PDE1C: variants seen among roughly 807,000 people sequenced by gnomAD.
The protein encoded by PDE1C is dual specificity calcium/calmodulin-dependent 3',5'-cyclic nucleotide phosphodiesterase 1C.
In PDE1C, 62 loss-of-function variants were observed where a neutral mutation model predicts 93.1. That is an observed-to-expected ratio of 0.67 (90% CI 0.54 to 0.82). The LOEUF is 0.82. Among genes scored for constraint, PDE1C ranks in the 40% least tolerant of loss-of-function variants. The pLI, the probability that PDE1C is intolerant of heterozygous loss-of-function variation, is 0.00. For missense variants in PDE1C, 742 were observed against 884.6 expected, an observed-to-expected ratio of 0.84 and a Z score of 2.04; for synonymous variants, 325 against 310.1, an observed-to-expected ratio of 1.05 and a Z score of -0.50.
intron 2 of PDE1C, among the ~76,000 whole-genome samples, chr7:31,884,097 A>G (rs112107377): frequency 3.2e-4 from 48 of 152,338 alleles, no homozygotes; most frequent in African/African-American, 1.1e-3. Context: ...TGAGCAGAAG[A>G]TTCAATCAAC....
At chr7:32,420,585 C>T (rs2128099865) in intron 1 of PDE1C, among the ~76,000 whole-genome samples, 1 of 149,784 alleles carries the variant, frequency 6.7e-6, no homozygotes. Context: ...AATAATAGTG[C>T]TTGTCTTAGC....
intron 17 of PDE1C, among the ~76,000 whole-genome samples, chr7:31,758,814 A>G (rs938416702): frequency 7.2e-5 from 11 of 152,278 alleles, no homozygotes; most frequent in African/African-American, 2.6e-4. Context: ...TGGTGTAGAA[A>G]GGGGAGAGGG....
At chr7:31,645,510 C>G in the PDE1C span, among the ~76,000 whole-genome samples, 2 of 151,960 alleles carry the variant, frequency 1.3e-5, no homozygotes, top group African/African-American at 4.8e-5. Flanking sequence ...AGAACAAAAC[C>G]TAATGTATGC....
intron 1 of PDE1C, among the ~76,000 whole-genome samples, chr7:32,361,239 C>G (rs551379584): frequency 2.6e-5 from 4 of 152,290 alleles, no homozygotes; most frequent in African/African-American, 9.6e-5. Flanking sequence ...GCCTCCAGGT[C>G]CTATCTGCAG....
intron 2 of PDE1C, among the ~76,000 whole-genome samples, chr7:32,188,437 A>G (rs1057297467): frequency 2.0e-5 from 3 of 151,848 alleles, no homozygotes; most frequent in African/African-American, 4.8e-5. Context: ...TTCAATTTTC[A>G]TCTATTTTCC....
At chr7:32,340,340 A>G (rs1259165420) in intron 1 of PDE1C, among the ~76,000 whole-genome samples, 1 of 151,906 alleles carries the variant, frequency 6.6e-6, no homozygotes, top group Non-Finnish European at 1.5e-5. Context: ...AAAGGAAGAG[A>G]ATAGGGAGTG....
At chr7:32,405,269 G>A (rs1475336348) in intron 1 of PDE1C, among the ~76,000 whole-genome samples, 1 of 120,450 alleles carries the variant, frequency 8.3e-6, no homozygotes, top group African/African-American at 3.6e-5. Flanking sequence ...TTTTTTTTTT[G>A]AGATGGAATT....
chr7:32,238,905 T>A (rs938614345), intron 1 of PDE1C, among the ~76,000 whole-genome samples: 3 of 152,120 alleles, frequency 2.0e-5, no homozygotes, highest in African/African-American at 7.2e-5. Context: ...CCTCAGGGTA[T>A]GAAAGGACTC....
At chr7:31,620,536 TGCA>T in the PDE1C span, among the ~76,000 whole-genome samples, 1 of 151,002 alleles carries the variant, frequency 6.6e-6, no homozygotes, top group Non-Finnish European at 1.5e-5. Context: ...CCAACAGACC[TGCA>T]GCTGAGGGTC....
chr7:31,794,624 T>C (rs184219883), intron 16 of PDE1C, among the ~76,000 whole-genome samples: 167 of 152,120 alleles, frequency 1.1e-3, no homozygotes, highest in African/African-American at 3.7e-3. Flanking sequence ...ACTCTCTAAA[T>C]GCCCCCAATG....
intron 1 of PDE1C, among the ~76,000 whole-genome samples, chr7:32,288,374 A>G (rs1257730374): frequency 6.6e-6 from 1 of 152,164 alleles, no homozygotes; most frequent in Non-Finnish European, 1.5e-5. Context: ...TTGCATAATT[A>G]CCCCAAAAAA....
intron 1 of PDE1C, among the ~76,000 whole-genome samples, chr7:32,229,553 CTT>C (rs1375366154): frequency 6.6e-6 from 1 of 152,166 alleles, no homozygotes; most frequent in African/African-American, 2.4e-5. Context: ...TTATACGTCT[CTT>C]GGGATAATTT....
chr7:31,634,991 C>T, the PDE1C span, among the ~76,000 whole-genome samples: 1 of 152,148 alleles, frequency 6.6e-6, no homozygotes, highest in African/African-American at 2.4e-5. Flanking sequence ...GCCAGGCGTG[C>T]TGGTACCACT....
At chr7:32,306,184 C>T (rs952837259) in intron 1 of PDE1C, among the ~76,000 whole-genome samples, 5 of 152,232 alleles carry the variant, frequency 3.3e-5, no homozygotes, top group Admixed American at 1.3e-4. Flanking sequence ...AATGTGTGTC[C>T]GTTAAACCTC....
chr7:31,935,360 T>C (rs946621679), intron 2 of PDE1C, among the ~76,000 whole-genome samples: 1 of 152,198 alleles, frequency 6.6e-6, no homozygotes, highest in Non-Finnish European at 1.5e-5. Flanking sequence ...CTCTGCCCCT[T>C]GCCCCAGGCC....
At chr7:32,415,891 A>G (rs1273955528) in intron 1 of PDE1C, among the ~76,000 whole-genome samples, 1 of 152,138 alleles carries the variant, frequency 6.6e-6, no homozygotes, top group Non-Finnish European at 1.5e-5. Context: ...GCCCCCTCCA[A>G]CCCTTTCTCC....
chr7:31,842,804 T>C (rs1258229519), intron 9 of PDE1C, among the ~76,000 whole-genome samples: 1 of 151,948 alleles, frequency 6.6e-6, no homozygotes, highest in Non-Finnish European at 1.5e-5. Context: ...TTTACATTAC[T>C]GTTTTGGTCT....
chr7:32,114,197 C>T (rs1798850904), intron 3 of PDE1C, among the ~76,000 whole-genome samples: 1 of 152,122 alleles, frequency 6.6e-6, no homozygotes, highest in Non-Finnish European at 1.5e-5. Context: ...AAGCAGGAGG[C>T]ATCATGCTAC....
chr7:31,966,023 A>T (rs974149739), intron 2 of PDE1C, among the ~76,000 whole-genome samples: 1 of 152,244 alleles, frequency 6.6e-6, no homozygotes, highest in Admixed American at 6.5e-5. Flanking sequence ...TGTAAAGATC[A>T]TCAAGGCTAG....
Sources: allele counts gnomAD v4.1 joint callset (sites outside exome capture counted in the v4.1 genomes callset), GRCh38; gene constraint gnomAD v4.1.1; transcripts MANE v1.5; gene names NCBI Gene and HGNC (gene_info 2026-07-23, HGNC 2026-07-21).